Variants in CLCC1 observed in about 807,000 individuals in gnomAD.
CLCC1 encodes chloride channel CLIC-like protein 1.
CLCC1 carries 39 observed loss-of-function variants against 63.3 expected under a neutral mutation model. That is an observed-to-expected ratio of 0.62 (90% CI 0.48 to 0.81). The LOEUF (loss-of-function observed/expected upper bound fraction) is 0.81. Among genes scored for constraint, CLCC1 ranks in the 30% least tolerant of loss-of-function variants. CLCC1 has a pLI of 0.00. For missense variants in CLCC1, 549 were observed against 669.4 expected (o/e 0.82, Z 1.98); for synonymous variants, 217 against 239.8 (o/e 0.90, Z 0.88).
chr1:108,962,028 A>G (rs528839561), intron 2 of CLCC1, among the ~76,000 whole-genome samples: 10 of 152,314 alleles, frequency 6.6e-5, no homozygotes, highest in African/African-American at 9.6e-5. Flanking sequence ...GGTAGAACCC[A>G]GACTGGCTCT....
rs1456647815 is a variant in CLCC1, at chr1:108,929,831, T to C, written c.*2716A>G. On this transcript the variant is annotated 3_prime_UTR_variant, in exon 13 of 13. Transcript: ENST00000369969. ...AAGAGAATGGATGAACAGAGAGTTC[T>C]TTTACAAAGAGATCAAAACAGAGAC... 3 of 1,613,978 alleles carry C rather than the reference T, an allele frequency of 1.9e-6. No individual in the cohort carries two copies. The highest frequency in any genetic ancestry group is 2.2e-5 in the South Asian group (2 of 91,092).
At chr1:108,956,310 C>A (rs1362152861) in intron 2 of CLCC1, among the ~76,000 whole-genome samples, 1 of 151,218 alleles carries the variant, frequency 6.6e-6, no homozygotes, top group Admixed American at 6.6e-5. Flanking sequence ...TCCAGCTGAG[C>A]CCCATCACAC....
intron 8 of CLCC1, among the ~76,000 whole-genome samples, chr1:108,940,772 G>A (rs1477833340): frequency 6.6e-6 from 1 of 152,202 alleles, no homozygotes; most frequent in Non-Finnish European, 1.5e-5. Flanking sequence ...AAGGAAGGCT[G>A]AATTGGTTTA....
chr1:108,950,502 T>A, intron 2 of CLCC1, 54 bp from the exon 3 acceptor site: 5 of 1,054,164 alleles, frequency 4.7e-6, no homozygotes, highest in Non-Finnish European at 6.2e-6. Flanking sequence ...TTAAATAAAT[T>A]GGGTTTTGGG....
At chr1:108,946,465 A>G (rs1654554361) in intron 5 of CLCC1, among the ~76,000 whole-genome samples, 1 of 152,196 alleles carries the variant, frequency 6.6e-6, no homozygotes, top group South Asian at 2.1e-4. Flanking sequence ...ATCTGCTTCT[A>G]CATTTCCAGA....
chr1:108,939,507 C>T, intron 10 of CLCC1, 129 bp downstream of exon 10: 1 of 675,520 alleles, frequency 1.5e-6, no homozygotes, highest in Non-Finnish European at 2.2e-6. Context: ...GACAGGGTTT[C>T]ACTGTGTTAG....
At position 108,934,682 on chromosome 1, in the gene CLCC1, G is replaced by A; in HGVS notation, c.1644C>T (p.Ser548=). The change falls in exon 12 of 13, where the codon AGC becomes AGT. Residue 548 remains serine, a synonymous_variant. Transcript: ENST00000369969. ...TGCTGGTGTTCCTCTAGCCACAGGGGCTGCTGACCGGATCCTGTCCACGTG... is the reference window on the plus strand; with the variant it reads ...TGCTGGTGTTCCTCTAGCCACAGGGACTGCTGACCGGATCCTGTCCACGTG... ...AGPRGQDPVS[S]PCG 6.2e-7 allele frequency: 1 copy of A among 1,612,870 alleles called. No homozygotes were observed.
At chr1:108,949,756 G>T in intron 4 of CLCC1, 64 bp downstream of exon 4, 3 of 829,330 alleles carry the variant, frequency 3.6e-6, no homozygotes, top group Admixed American at 3.3e-5. Context: ...TATCAGCAGA[G>T]ACAAGAATAT....
At chr1:108,949,353 A>AT (rs369168224) in intron 4 of CLCC1, among the ~76,000 whole-genome samples, 3 of 152,286 alleles carry the variant, frequency 2.0e-5, no homozygotes, top group African/African-American at 4.8e-5. Context: ...CTTCAGCTAC[A>AT]TTTTTTTAAG....
intron 2 of CLCC1, among the ~76,000 whole-genome samples, chr1:108,961,698 A>G (rs1308312929): frequency 6.6e-6 from 1 of 152,114 alleles, no homozygotes; most frequent in Non-Finnish European, 1.5e-5. Flanking sequence ...TGTCTCTACT[A>G]AAAATACAAA....
chr1:108,953,848 T>A (rs541746860), intron 2 of CLCC1, among the ~76,000 whole-genome samples: 2,295 of 150,452 alleles, frequency 0.015, 68 homozygotes, highest in African/African-American at 0.055. Context: ...CCATCTCTAC[T>A]AAAAATACAA....
intron 2 of CLCC1, among the ~76,000 whole-genome samples, chr1:108,952,398 G>A (rs1049790815): frequency 4.0e-5 from 6 of 151,260 alleles, no homozygotes; most frequent in Non-Finnish European, 5.9e-5. Context: ...GGCTGGTCTC[G>A]AACTCCCGAC....
intron 2 of CLCC1, among the ~76,000 whole-genome samples, chr1:108,954,851 T>TGTGTGTGTGTGTGTGTGA (rs1372044601): frequency 3.4e-5 from 5 of 145,736 alleles, no homozygotes; most frequent in African/African-American, 1.3e-4. Context: ...TGTGTGTGTG[T>TGTGTGTGTGTGTGTGTGA]GACGGAGTTT....
At position 108,929,995 on chromosome 1, in the gene CLCC1, CT is replaced by C; in HGVS notation, c.*2551del. On this transcript the variant is annotated 3_prime_UTR_variant, in exon 13 of 13. Coordinates refer to ENST00000369969, the MANE Select transcript of CLCC1 (RefSeq NM_001377458.1). ...AACACGGTAAGGAAACAATCTATTACTTTTTTCCTTAAAAGGAGAATTTATA... is the reference window on the plus strand; with the variant it reads ...AACACGGTAAGGAAACAATCTATTACTTTTTCCTTAAAAGGAGAATTTATA... 2.7e-6 allele frequency: 4 copies of C among 1,506,644 alleles called. No homozygotes were observed. The highest frequency in any genetic ancestry group is 1.7e-5 in the Admixed American group (1 of 57,624). The allele number at this position is 1,506,644 out of a possible 1,614,324, so 93.3% of individuals were successfully genotyped here. A position where few individuals can be genotyped will look rare whatever the true frequency, so the allele number is the denominator to read the frequency against.
At chr1:108,938,055 TAG>T (rs1653286986) in intron 10 of CLCC1, among the ~76,000 whole-genome samples, 1 of 152,186 alleles carries the variant, frequency 6.6e-6, no homozygotes, top group Admixed American at 6.5e-5. Flanking sequence ...TTCCAGATGC[TAG>T]AGTGACAGCC....
At chr1:108,937,786 T>C (rs1653234122) in intron 10 of CLCC1, among the ~76,000 whole-genome samples, 1 of 152,246 alleles carries the variant, frequency 6.6e-6, no homozygotes. Context: ...TATTTAAAGT[T>C]GTATATCATT....
chr1:108,943,508 G>C lies in CLCC1; in HGVS notation c.669C>G (p.Phe223Leu). Residue 223 changes from phenylalanine (F) to leucine (L), a missense_variant, in exon 7 of 13, where the codon TTC becomes TTG. Physicochemically the swap from Phe to Leu is conservative, Grantham distance 22. Transcript: ENST00000369969. ...LRRVLIISFL[F>L]SLGWNWMYLY... is the part of the protein sequence containing the mutation. ...AATACATCCAATTCCATCCCAAACT[G>C]AACAGAAAGCTGATGATTAAAACAC... 6 of 1,613,986 alleles carry C rather than the reference G, an allele frequency of 3.7e-6. No individual in the cohort carries two copies. Among genetic ancestry groups the C allele is most frequent in the Non-Finnish European group, 5.1e-6 (6 of 1,179,958 alleles).
intron 11 of CLCC1, among the ~76,000 whole-genome samples, chr1:108,936,199 TCTC>T (rs1266263513): frequency 6.7e-6 from 1 of 149,230 alleles, no homozygotes; most frequent in East Asian, 2.0e-4. Flanking sequence ...ATCAAGCAAT[TCTC>T]CTGTCTCAGC....
chr1:108,941,498 G>A lies in CLCC1; in HGVS notation c.703C>T (p.Leu235=), dbSNP rs544554257. ...TCAGCCTGATGCTGTGCAAAAGCTA[G>A]CTGCCCAACACCAAAAGGGAACCAG... ...LGWNWMYLYK[L]AFAQHQAEVA... is the part of the protein sequence containing the mutation. Residue 235 remains leucine (L), a splice_region_variant and synonymous_variant, in exon 8 of 13, where the codon CTA becomes TTA. Coordinates refer to ENST00000369969, the MANE Select transcript of CLCC1 (RefSeq NM_001377458.1). 4 of 1,613,864 alleles carry A rather than the reference G, an allele frequency of 2.5e-6. No homozygotes were observed. In the South Asian group the frequency reaches 4.4e-5, roughly 18 times the overall value.
Sources: gnomAD v4.1 joint callset for allele counts (sites outside exome capture counted in the v4.1 genomes callset) on GRCh38, gnomAD v4.1.1 for gene constraint, MANE v1.5 for transcripts, NCBI Gene and HGNC (gene_info 2026-07-23, HGNC 2026-07-21) for gene names.